Variants in APBA1 observed in about 807,000 individuals in gnomAD.
APBA1 encodes the protein amyloid-beta A4 precursor protein-binding family A member 1.
APBA1 carries 55 observed loss-of-function variants against 86.6 expected under a neutral mutation model. The ratio of observed to expected loss-of-function variants is 0.64; its 90% CI spans 0.51 to 0.80. APBA1 has a LOEUF of 0.80. Among genes scored for constraint, APBA1 ranks in the 30% least tolerant of loss-of-function variants. APBA1 has a pLI of 0.00. For missense variants in APBA1, 1,090 were observed against 1,183.0 expected, an observed-to-expected ratio of 0.92 and a Z score of 1.15; for synonymous variants, 511 against 493.9, an observed-to-expected ratio of 1.03 and a Z score of -0.46.
chr9:69,576,709 G>T (rs958055720), intron 1 of APBA1, among the ~76,000 whole-genome samples: 2 of 152,136 alleles, frequency 1.3e-5, no homozygotes, highest in Admixed American at 6.5e-5. Flanking sequence ...CCTGTTGTGG[G>T]GTAGGGGGAG....
chr9:69,570,108 T>C (rs1837092574), intron 1 of APBA1, among the ~76,000 whole-genome samples: 1 of 152,182 alleles, frequency 6.6e-6, no homozygotes, highest in Non-Finnish European at 1.5e-5. Context: ...TCTGGAGCAA[T>C]GAGAACTTGC....
intron 2 of APBA1, among the ~76,000 whole-genome samples, chr9:69,477,363 C>CT (rs1194089145): frequency 7.0e-6 from 1 of 142,314 alleles, no homozygotes; most frequent in Non-Finnish European, 1.5e-5. Flanking sequence ...GGGTGACGGA[C>CT]GCACCTGGAA....
At chr9:69,656,727 G>T (rs926455029) in intron 1 of APBA1, among the ~76,000 whole-genome samples, 3 of 152,000 alleles carry the variant, frequency 2.0e-5, no homozygotes, top group Non-Finnish European at 4.4e-5. Flanking sequence ...AAGTTACATC[G>T]CAATTTAAAA....
intron 1 of APBA1, among the ~76,000 whole-genome samples, chr9:69,521,346 C>G (rs917089915): frequency 6.6e-6 from 1 of 152,166 alleles, no homozygotes; most frequent in African/African-American, 2.4e-5. Context: ...AACTGCCCTC[C>G]CTATTCATGG....
chr9:69,592,547 A>G (rs181047354), intron 1 of APBA1, among the ~76,000 whole-genome samples: 2 of 152,336 alleles, frequency 1.3e-5, no homozygotes, highest in East Asian at 1.9e-4. Context: ...GTGAGCTATG[A>G]TCACGCCACT....
chr9:69,512,453 GT>G (rs925058208), intron 2 of APBA1, among the ~76,000 whole-genome samples: 1 of 152,064 alleles, frequency 6.6e-6, no homozygotes, highest in Non-Finnish European at 1.5e-5. Flanking sequence ...GGCAATACAG[GT>G]TTTTTTGTCT....
chr9:69,512,598 A>G (rs1836069096), intron 2 of APBA1, among the ~76,000 whole-genome samples: 1 of 152,160 alleles, frequency 6.6e-6, no homozygotes, highest in African/African-American at 2.4e-5. Context: ...CTTTTTGTTA[A>G]AACTTTATCT....
At chr9:69,449,530 C>G in intron 10 of APBA1, 54 bp downstream of exon 10, 1 of 1,499,518 alleles carries the variant, frequency 6.7e-7, no homozygotes, top group Non-Finnish European at 9.3e-7. Flanking sequence ...GGGGGTCACA[C>G]TTCACATCAC....
At chr9:69,499,427 A>T (rs1025091556) in intron 2 of APBA1, among the ~76,000 whole-genome samples, 2 of 152,084 alleles carry the variant, frequency 1.3e-5, no homozygotes, top group African/African-American at 2.4e-5. Flanking sequence ...TCCTGGAAAA[A>T]TTTTGTCTGT....
intron 12 of APBA1, 88 bp from the exon 13 acceptor site, chr9:69,431,486 C>A (rs1453413500): frequency 1.7e-6 from 2 of 1,164,824 alleles, no homozygotes; most frequent in Non-Finnish European, 2.5e-6. Flanking sequence ...AGAGGCAGTG[C>A]CTCTCCCACA....
At chr9:69,601,721 T>C (rs1822353064) in intron 1 of APBA1, among the ~76,000 whole-genome samples, 1 of 152,192 alleles carries the variant, frequency 6.6e-6, no homozygotes, top group African/African-American at 2.4e-5. Context: ...CCTCCATATT[T>C]AAAAAAATGT....
chr9:69,558,643 G>A (rs1254381944), intron 1 of APBA1, among the ~76,000 whole-genome samples: 2 of 151,274 alleles, frequency 1.3e-5, no homozygotes, highest in African/African-American at 2.4e-5. Context: ...TTGTTATGCA[G>A]GTAAATTCAT....
intron 8 of APBA1, 99 bp downstream of exon 8, chr9:69,456,148 A>G (rs1835092341): frequency 7.6e-7 from 1 of 1,318,386 alleles, no homozygotes; most frequent in African/African-American, 1.4e-5. Flanking sequence ...GTACGTGCAC[A>G]ATAAATACAT....
chr9:69,576,066 T>A (rs1270835205), intron 1 of APBA1, among the ~76,000 whole-genome samples: 1 of 152,170 alleles, frequency 6.6e-6, no homozygotes, highest in Non-Finnish European at 1.5e-5. Context: ...CAGACACTTC[T>A]CAAAAGAAGA....
At chr9:69,539,605 C>T (rs1440661897) in intron 1 of APBA1, among the ~76,000 whole-genome samples, 2 of 152,166 alleles carry the variant, frequency 1.3e-5, no homozygotes, top group Non-Finnish European at 2.9e-5. Flanking sequence ...AGTTAGATCA[C>T]GTATCTCCTT....
At chr9:69,650,243 T>C (rs1823471675) in intron 1 of APBA1, among the ~76,000 whole-genome samples, 1 of 152,202 alleles carries the variant, frequency 6.6e-6, no homozygotes, top group Non-Finnish European at 1.5e-5. Flanking sequence ...CAGCATGCCT[T>C]ATAGTGTTGT....
At chr9:69,494,129 G>A (rs564118699) in intron 2 of APBA1, among the ~76,000 whole-genome samples, 3 of 152,048 alleles carry the variant, frequency 2.0e-5, no homozygotes, top group Admixed American at 6.5e-5. Flanking sequence ...TCACGGCATT[G>A]TAGGGGCATA....
chr9:69,548,620 G>A (rs1337238187), intron 1 of APBA1, among the ~76,000 whole-genome samples: 1 of 152,178 alleles, frequency 6.6e-6, no homozygotes, highest in South Asian at 2.1e-4. Flanking sequence ...AAGGCAATAG[G>A]GTGCTCAGGA....
intron 1 of APBA1, among the ~76,000 whole-genome samples, chr9:69,553,157 C>T (rs968748784): frequency 7.2e-5 from 11 of 152,184 alleles, no homozygotes; most frequent in African/African-American, 1.7e-4. Context: ...CTGCCTGCCT[C>T]GGCTTCCCAA....
Sources: gnomAD v4.1 joint callset for allele counts (sites outside exome capture counted in the v4.1 genomes callset) on GRCh38, gnomAD v4.1.1 for gene constraint, MANE v1.5 for transcripts, NCBI Gene and HGNC (gene_info 2026-07-23, HGNC 2026-07-21) for gene names.